The following APOO variants were observed in gnomAD, a reference collection of about 807,000 sequenced individuals.
APOO encodes the protein MICOS complex subunit MIC26.
In APOO, 11 loss-of-function variants were observed where a neutral mutation model predicts 23.1. The ratio of observed to expected loss-of-function variants is 0.48; its 90% CI spans 0.30 to 0.79. The LOEUF (loss-of-function observed/expected upper bound fraction) is 0.79, where lower values mean the gene tolerates loss of function less well. Among genes scored for constraint, APOO ranks in the 30% least tolerant of loss-of-function variants. The pLI is 0.07. For synonymous variants in APOO, 59 were observed against 54.8 expected (o/e 1.08, Z -0.34); for missense variants, 160 against 142.7 (o/e 1.12, Z -0.62).
At chrX:23,850,140 T>C (rs1291920194) in intron 7 of APOO, among the ~76,000 whole-genome samples, 1 of 111,621 alleles carries the variant, frequency 9.0e-6, no homozygotes, top group African/African-American at 3.3e-5. Flanking sequence ...TTCAGGAAAA[T>C]AAAATATACT....
chrX:23,873,415 C>T (rs1214970288), intron 4 of APOO, among the ~76,000 whole-genome samples: 5 of 110,846 alleles, frequency 4.5e-5, no homozygotes, highest in East Asian at 5.7e-4. Context: ...GAGACCAGCC[C>T]GGCTAACAAG....
chrX:23,902,964 A>G (rs1364843742), intron 1 of APOO, among the ~76,000 whole-genome samples: 4 of 111,589 alleles, frequency 3.6e-5, no homozygotes, highest in African/African-American at 9.8e-5. Flanking sequence ...CCCAAATCCC[A>G]CCATGTTCAT....
At chrX:23,873,606 C>CAA (rs1244513973) in intron 4 of APOO, among the ~76,000 whole-genome samples, 4 of 78,669 alleles carry the variant, frequency 5.1e-5, no homozygotes, top group African/African-American at 1.8e-4. Flanking sequence ...TATTTTGTCT[C>CAA]AAAAAAAAAA....
rs755301608 is a variant in APOO at position 23,848,352 on chromosome X, C to T, written c.561+7950G>A. Among the ~76,000 whole-genome samples the T allele has an allele frequency of 8.2e-5, 9 of 109,839 alleles. No homozygotes were observed. In the East Asian group the frequency reaches 1.7e-3, roughly 21 times the overall value. ...GCTAATTTTTTATTTTTAGTAGAGA[C>T]GGGGTTTCACCCTGTTGGCCAGGCT... On this transcript the variant is annotated intron_variant, in intron 7 of 8. Coordinates refer to ENST00000379226, the MANE Select transcript of APOO (RefSeq NM_024122.5).
At chrX:23,886,323 G>T (rs5925957) in intron 1 of APOO, among the ~76,000 whole-genome samples, 1 of 111,336 alleles carries the variant, frequency 9.0e-6, no homozygotes, top group African/African-American at 3.3e-5. Flanking sequence ...GAGTTGGAAG[G>T]AAGTGGACTT....
intron 1 of APOO, among the ~76,000 whole-genome samples, chrX:23,887,766 GCT>G (rs1343390546): frequency 1.8e-5 from 2 of 112,016 alleles, no homozygotes; most frequent in African/African-American, 3.2e-5. Flanking sequence ...AGTCAAGCAA[GCT>G]CTGTTAAGAG....
At chrX:23,849,610 GT>G (rs199994857) in intron 7 of APOO, among the ~76,000 whole-genome samples, 9 of 44,660 alleles carry the variant, frequency 2.0e-4, no homozygotes, top group South Asian at 2.4e-3. Context: ...AAAAAAAAAA[GT>G]TCGGGCATGG....
Position 23,881,220 on chromosome X carries a change from G to C in APOO, c.10-268C>G, listed in dbSNP as rs751667737. 2.7e-5 allele frequency among the ~76,000 whole-genome samples: 3 copies of C among 109,396 alleles called. No individual in the cohort carries two copies. In the South Asian group the frequency reaches 1.2e-3, roughly 43 times the overall value. 95.0% of individuals were successfully genotyped at this position (109,396 alleles called of 115,157 possible). A position where few individuals can be genotyped will look rare whatever the true frequency, so the allele number is the denominator to read the frequency against. ...CTCCCAAGTAGCTGGGATTACAGGC[G>C]TCTGCCACCACACCCGGCTAATTTT... On this transcript the variant is annotated intron_variant, in intron 1 of 8. Transcript: ENST00000379226.
rs949559031 is a variant in APOO at position 23,890,646 on chromosome X, G to C, written c.10-9694C>G. Among the ~76,000 whole-genome samples, 19 of 112,144 alleles carry C rather than the reference G, an allele frequency of 1.7e-4. No individual in the cohort carries two copies. In the South Asian group the frequency reaches 2.6e-3, roughly 15 times the overall value. ...CAGTGCAGTATTCAATAATGTACATGAAACATTCAATAGTTTATTATAAAA... is the reference window on the plus strand; with the variant it reads ...CAGTGCAGTATTCAATAATGTACATCAAACATTCAATAGTTTATTATAAAA... On this transcript the variant is annotated intron_variant, in intron 1 of 8. Coordinates refer to ENST00000379226, the MANE Select transcript of APOO (RefSeq NM_024122.5).
At chrX:23,838,005 A>G (rs1923779484) in intron 8 of APOO, among the ~76,000 whole-genome samples, 1 of 102,300 alleles carries the variant, frequency 9.8e-6, no homozygotes, top group African/African-American at 3.6e-5. Flanking sequence ...CTATCTATCT[A>G]TATTTAAAAG....
At chrX:23,887,849 G>A (rs1260580966) in intron 1 of APOO, among the ~76,000 whole-genome samples, 1 of 111,906 alleles carries the variant, frequency 8.9e-6, no homozygotes, top group Non-Finnish European at 1.9e-5. Flanking sequence ...AGCCCCTCGG[G>A]AGTATACCCT....
intron 1 of APOO, among the ~76,000 whole-genome samples, chrX:23,886,989 C>T (rs764474277): frequency 3.7e-4 from 41 of 110,638 alleles, no homozygotes; most frequent in Non-Finnish European, 2.8e-4. Flanking sequence ...TTTTGTCTCC[C>T]CAAGGAAGAA....
intron 1 of APOO, among the ~76,000 whole-genome samples, chrX:23,899,626 C>T (rs1457689724): frequency 1.8e-5 from 2 of 112,291 alleles, no homozygotes; most frequent in African/African-American, 3.2e-5. Flanking sequence ...AACTGATACA[C>T]TCTTTCAATT....
intron 1 of APOO, among the ~76,000 whole-genome samples, chrX:23,902,906 G>A (rs1232053245): frequency 9.0e-6 from 1 of 110,901 alleles, no homozygotes; most frequent in Non-Finnish European, 1.9e-5. Context: ...TCTCAGCAGA[G>A]CCCTCAAAGG....
intron 7 of APOO, among the ~76,000 whole-genome samples, chrX:23,841,655 C>T (rs1601880980): frequency 9.1e-6 from 1 of 109,418 alleles, no homozygotes; most frequent in Non-Finnish European, 1.9e-5. Context: ...AACAAGAGTG[C>T]TACAGGACTG....
At chrX:23,855,023 GT>G (rs1216044199) in intron 7 of APOO, among the ~76,000 whole-genome samples, 10 of 106,328 alleles carry the variant, frequency 9.4e-5, no homozygotes, top group African/African-American at 2.7e-4. Flanking sequence ...AATTAGTGGG[GT>G]TTTTTTTCTT....
intron 8 of APOO, among the ~76,000 whole-genome samples, chrX:23,837,612 GTATAAATAAATTTATTTAATT>G (rs72276284): frequency 0.47 from 49,238 of 105,703 alleles, 11,071 homozygotes; most frequent in African/African-American, 0.83. Flanking sequence ...TATTATAAAT[GTATAAATAAATTTATTTAATT>G]TATAAATAAA....
chrX:23,896,057 C>T (rs886255304), intron 1 of APOO, among the ~76,000 whole-genome samples: 1 of 110,434 alleles, frequency 9.1e-6, no homozygotes, highest in African/African-American at 3.3e-5. Context: ...ACCACGAGGT[C>T]AGTGGTTCGA....
chrX:23,846,683 ACTGACACCCACAACTGACCTC>A (rs1446414393), intron 7 of APOO, among the ~76,000 whole-genome samples: 2 of 109,317 alleles, frequency 1.8e-5, no homozygotes, highest in East Asian at 2.9e-4. Context: ...GACCCTGAGG[ACTGACACCCACAACTGACCTC>A]CTGACACCCA....
Sources: allele counts gnomAD v4.1 joint callset (sites outside exome capture counted in the v4.1 genomes callset), GRCh38; gene constraint gnomAD v4.1.1; transcripts MANE v1.5; gene names NCBI Gene and HGNC (gene_info 2026-07-23, HGNC 2026-07-21).